The following LRRC75A variants were observed in gnomAD, a reference collection of about 807,000 sequenced individuals.
The protein encoded by LRRC75A is leucine-rich repeat-containing protein 75A.
LRRC75A carries 12 observed loss-of-function variants against 26.0 expected under a neutral mutation model. That is an observed-to-expected ratio of 0.46 (90% confidence interval 0.30 to 0.75). The LOEUF (loss-of-function observed/expected upper bound fraction) is 0.75, where lower values mean the gene tolerates loss of function less well. LRRC75A is among the 30% of genes least tolerant of loss of function. The pLI, the probability that LRRC75A is intolerant of heterozygous loss-of-function variation, is 0.08. For missense variants in LRRC75A, 410 were observed against 486.6 expected, an observed-to-expected ratio of 0.84 and a Z score of 1.48; for synonymous variants, 223 against 219.3, an observed-to-expected ratio of 1.02 and a Z score of -0.15.
intron 2 of LRRC75A, among the ~76,000 whole-genome samples, chr17:16,450,407 CT>C (rs1366718468): frequency 6.6e-6 from 1 of 152,180 alleles, no homozygotes; most frequent in Non-Finnish European, 1.5e-5. Flanking sequence ...GAGGAGGCCC[CT>C]GGGCTCCAGT....
At chr17:16,485,222 T>C (rs1219895526) in intron 1 of LRRC75A, among the ~76,000 whole-genome samples, 1 of 152,166 alleles carries the variant, frequency 6.6e-6, no homozygotes, top group Non-Finnish European at 1.5e-5. Context: ...TGGGAGAGGA[T>C]ATGACAGTCA....
At chr17:16,454,189 G>A (rs567722384) in intron 2 of LRRC75A, among the ~76,000 whole-genome samples, 2 of 152,058 alleles carry the variant, frequency 1.3e-5, no homozygotes, top group Admixed American at 6.6e-5. Flanking sequence ...TCAGGAGTTC[G>A]AGACTAGCCT....
intron 2 of LRRC75A, among the ~76,000 whole-genome samples, chr17:16,457,395 C>G (rs540138296): frequency 6.6e-6 from 1 of 152,318 alleles, no homozygotes; most frequent in African/African-American, 2.4e-5. Context: ...TCACTGGGCT[C>G]TCTTCCCCCT....
chr17:16,489,708 G>T (rs933155404), intron 1 of LRRC75A, among the ~76,000 whole-genome samples: 1 of 152,220 alleles, frequency 6.6e-6, no homozygotes, highest in African/African-American at 2.4e-5. Context: ...TTCGGGAGGG[G>T]TCCTGCTCCA....
At chr17:16,490,300 C>G (rs1477911432) in intron 1 of LRRC75A, among the ~76,000 whole-genome samples, 1 of 152,162 alleles carries the variant, frequency 6.6e-6, no homozygotes, top group Admixed American at 6.5e-5. Flanking sequence ...CTGGAAAACC[C>G]AATATTCTGT....
In LRRC75A at chr17:16,482,788, C is replaced by G. The variant is rs576653258; in HGVS notation, c.246+8957G>C. Among the ~76,000 whole-genome samples the G allele has an allele frequency of 4.9e-4, 74 of 152,342 alleles. 2 individuals carry two copies. Among genetic ancestry groups the G allele is most frequent in the African/African-American group, 1.7e-3 (70 of 41,572 alleles). Reference sequence around the variant, plus strand: ...CCCTTCTAGAAATTAGCATCTTGGCCGGCCCTGCTTTCCCTACTTGTCCCA... The same window carrying G: ...CCCTTCTAGAAATTAGCATCTTGGCGGGCCCTGCTTTCCCTACTTGTCCCA... On this transcript the variant is annotated intron_variant, in intron 1 of 3. Coordinates refer to ENST00000470794, the MANE Select transcript of LRRC75A (RefSeq NM_001113567.3).
intron 1 of LRRC75A, among the ~76,000 whole-genome samples, chr17:16,475,310 G>A (rs1266633745): frequency 1.3e-5 from 2 of 151,906 alleles, no homozygotes; most frequent in African/African-American, 4.8e-5. Context: ...CTGATAAGAT[G>A]TGTGTGTGTG....
chr17:16,461,572 A>G (rs2093727706), intron 2 of LRRC75A, among the ~76,000 whole-genome samples: 1 of 152,192 alleles, frequency 6.6e-6, no homozygotes, highest in African/African-American at 2.4e-5. Flanking sequence ...CTGGAGAGCC[A>G]TGGAGCTTTC....
chr17:16,462,538 G>T lies in LRRC75A; in HGVS notation c.247-152C>A. ...CTGCAGAACTTCCCTCAGGGGCTGGGGCAGGCCTCTCCTGTTTGTCTTTGC... is the reference window on the plus strand; with the variant it reads ...CTGCAGAACTTCCCTCAGGGGCTGGTGCAGGCCTCTCCTGTTTGTCTTTGC... On this transcript the variant is annotated intron_variant, in intron 1 of 3. Transcript: ENST00000470794. This position sits in a 1 kb window ranked among gnomAD's most constrained non-coding sequence, Gnocchi z 4.6. 9.9e-7 allele frequency: 1 copy of T among 1,009,088 alleles called. No homozygotes were observed. Among genetic ancestry groups the T allele is most frequent in the Non-Finnish European group, 1.4e-6 (1 of 702,034 alleles). The allele number at this position is 1,009,088 out of a possible 1,614,324, so 62.5% of individuals were successfully genotyped here. A position where few individuals can be genotyped will look rare whatever the true frequency, so the allele number is the denominator to read the frequency against.
chr17:16,488,167 G>C (rs2093850740), intron 1 of LRRC75A, among the ~76,000 whole-genome samples: 1 of 152,202 alleles, frequency 6.6e-6, no homozygotes, highest in Non-Finnish European at 1.5e-5. Context: ...CTTCTCCAGG[G>C]CTCCTTAAAG....
chr17:16,477,396 C>T (rs1244694623), intron 1 of LRRC75A, among the ~76,000 whole-genome samples: 2 of 152,230 alleles, frequency 1.3e-5, no homozygotes, highest in Admixed American at 1.3e-4. Flanking sequence ...TTGCTGCCCT[C>T]CCTCTGGGTG....
chr17:16,455,077 C>G lies in LRRC75A; in HGVS notation c.376-7117G>C, dbSNP rs560298669. Among the ~76,000 whole-genome samples, 1,050 of 151,908 alleles carry G rather than the reference C, an allele frequency of 6.9e-3. 6 individuals carry two copies. Among genetic ancestry groups the G allele is most frequent in the Non-Finnish European group, 0.011 (727 of 67,946 alleles). Reference sequence around the variant, plus strand: ...CCTCCCGAGTAGCTGGGATTACAGGCGCGTGCCACCACGCCCAGCTAATTT... The same window carrying G: ...CCTCCCGAGTAGCTGGGATTACAGGGGCGTGCCACCACGCCCAGCTAATTT... On this transcript the variant is annotated intron_variant, in intron 2 of 3. Coordinates refer to ENST00000470794, the MANE Select transcript of LRRC75A (RefSeq NM_001113567.3).
chr17:16,444,270 G>A, intron 3 of LRRC75A, 139 bp from the exon 4 acceptor site: 2 of 706,592 alleles, frequency 2.8e-6, no homozygotes, highest in Non-Finnish European at 2.3e-6. Context: ...TGCCACAAGT[G>A]CAGAGGTGGG....
chr17:16,466,612 T>G (rs2093770650), intron 1 of LRRC75A, among the ~76,000 whole-genome samples: 1 of 152,104 alleles, frequency 6.6e-6, no homozygotes, highest in South Asian at 2.1e-4. Context: ...TCACTGCTGG[T>G]GGGGAGTGAC....
At chr17:16,476,625 C>T (rs1395995110) in intron 1 of LRRC75A, among the ~76,000 whole-genome samples, 10 of 151,406 alleles carry the variant, frequency 6.6e-5, no homozygotes, top group East Asian at 3.9e-4. Flanking sequence ...AGTGCAGTGG[C>T]GTGACCTCGG....
chr17:16,470,969 A>T (rs984140491), intron 1 of LRRC75A, among the ~76,000 whole-genome samples: 5 of 152,104 alleles, frequency 3.3e-5, no homozygotes, highest in African/African-American at 1.2e-4. Context: ...CTATGCACCT[A>T]ATGAGAGAAA....
chr17:16,443,599 C>G lies in LRRC75A; in HGVS notation c.1024G>C (p.Ala342Pro). 1 of 1,525,260 alleles carries G rather than the reference C, an allele frequency of 6.6e-7. No individual in the cohort carries two copies. The highest frequency in any genetic ancestry group is 8.9e-7 in the Non-Finnish European group (1 of 1,127,838). The allele number at this position is 1,525,260 out of a possible 1,614,324, so 94.5% of individuals were successfully genotyped here. A position where few individuals can be genotyped will look rare whatever the true frequency, so the allele number is the denominator to read the frequency against. ...HHEGKETVAA[A>P]QT ...CCTTCACTTCCATGTCACGTCTGAG[C>G]TGCAGCTACAGTCTCCTTGCCCTCA... Residue 342 changes from alanine to proline, a missense_variant, in exon 4 of 4, where the codon GCT becomes CCT. Coordinates refer to ENST00000470794, the MANE Select transcript of LRRC75A (RefSeq NM_001113567.3).
At chr17:16,457,582 C>G (rs533117504) in intron 2 of LRRC75A, among the ~76,000 whole-genome samples, 38 of 152,304 alleles carry the variant, frequency 2.5e-4, no homozygotes, top group African/African-American at 8.9e-4. Flanking sequence ...AATGTCCTTC[C>G]ACATTGTAGC....
At chr17:16,466,055 C>G (rs2093766231) in intron 1 of LRRC75A, among the ~76,000 whole-genome samples, 1 of 152,368 alleles carries the variant, frequency 6.6e-6, no homozygotes, top group Middle Eastern at 3.4e-3. Context: ...TGCTTTATTT[C>G]AACCCCACCT....
Sources: allele counts gnomAD v4.1 joint callset (sites outside exome capture counted in the v4.1 genomes callset), GRCh38; gene constraint gnomAD v4.1.1; non-coding constraint Gnocchi (gnomAD v3.1); transcripts MANE v1.5; gene names NCBI Gene and HGNC (gene_info 2026-07-23, HGNC 2026-07-21).